Variants in PTPRD observed in about 807,000 individuals in gnomAD.
The protein encoded by PTPRD is receptor-type tyrosine-protein phosphatase delta.
Under a neutral mutation model 214.5 loss-of-function variants are expected in PTPRD, and 34 were observed. The ratio of observed to expected loss-of-function variants is 0.16; its 90% CI spans 0.12 to 0.21. The LOEUF (loss-of-function observed/expected upper bound fraction) is 0.21. PTPRD is among the 10% of genes least tolerant of loss of function. PTPRD has a pLI of 1.00. For synonymous variants in PTPRD, 1,128 were observed against 845.7 expected (o/e 1.33, Z -5.79); for missense variants, 2,545 against 2,398.7 (o/e 1.06, Z -1.27).
intron 9 of PTPRD, among the ~76,000 whole-genome samples, chr9:9,254,348 T>C (rs1160115805): frequency 6.6e-6 from 1 of 152,084 alleles, no homozygotes; most frequent in Non-Finnish European, 1.5e-5. Context: ...ATAAATTATA[T>C]GGATGTGCTC....
chr9:10,154,025 G>T (rs933272838), intron 3 of PTPRD, among the ~76,000 whole-genome samples: 1 of 151,976 alleles, frequency 6.6e-6, no homozygotes, highest in Non-Finnish European at 1.5e-5. Flanking sequence ...GGGTGGAATG[G>T]TAGTTCTGTT....
intron 11 of PTPRD, among the ~76,000 whole-genome samples, chr9:8,995,568 A>G (rs1277257032): frequency 6.6e-6 from 1 of 151,986 alleles, no homozygotes; most frequent in East Asian, 1.9e-4. Flanking sequence ...AACTCTCTCT[A>G]CACCCTCTTG....
At chr9:9,989,016 CAAAAAAAAAA>C (rs397836899) in intron 4 of PTPRD, among the ~76,000 whole-genome samples, 723 of 36,262 alleles carry the variant, frequency 0.02, 12 homozygotes, top group Middle Eastern at 0.079. Flanking sequence ...TTTCACTGAC[CAAAAAAAAAA>C]AAAAAAAAAA....
chr9:8,702,892 C>T (rs2098121729), intron 12 of PTPRD, among the ~76,000 whole-genome samples: 2 of 152,216 alleles, frequency 1.3e-5, no homozygotes, highest in African/African-American at 2.4e-5. Flanking sequence ...CAGGCGTGAG[C>T]CACTGCGCCC....
At chr9:9,087,325 T>C (rs1010167165) in intron 10 of PTPRD, among the ~76,000 whole-genome samples, 1 of 152,172 alleles carries the variant, frequency 6.6e-6, no homozygotes, top group Non-Finnish European at 1.5e-5. Flanking sequence ...ATAGAGAAGA[T>C]AAATCACAAA....
At chr9:8,743,114 A>AAAAAAAAGGG (rs1555254319) in intron 11 of PTPRD, among the ~76,000 whole-genome samples, 1 of 132,020 alleles carries the variant, frequency 7.6e-6, no homozygotes, top group African/African-American at 2.8e-5. Flanking sequence ...TAAAAAAAAA[A>AAAAAAAAGGG]GGGGGGGGGG....
intron 18 of PTPRD, among the ~76,000 whole-genome samples, chr9:8,523,892 A>G (rs1376008726): frequency 6.6e-6 from 1 of 152,154 alleles, no homozygotes; most frequent in Non-Finnish European, 1.5e-5. Flanking sequence ...GAAAGGAGAG[A>G]AAAACATCCC....
intron 2 of PTPRD, among the ~76,000 whole-genome samples, chr9:10,391,683 T>G (rs1398802408): frequency 1.3e-5 from 2 of 151,788 alleles, no homozygotes; most frequent in Admixed American, 6.6e-5. Context: ...CTGCTTCTAG[T>G]GGGTTCCCCA....
chr9:9,929,827 T>TTC (rs1222650369), intron 5 of PTPRD, among the ~76,000 whole-genome samples: 2 of 128,794 alleles, frequency 1.6e-5, no homozygotes, highest in East Asian at 8.3e-4. Flanking sequence ...CTACTTGTAC[T>TTC]ACATCATGTT....
At chr9:9,834,179 G>A (rs896301393) in intron 5 of PTPRD, among the ~76,000 whole-genome samples, 2 of 152,016 alleles carry the variant, frequency 1.3e-5, no homozygotes, top group African/African-American at 2.4e-5. Context: ...CACAATCCAC[G>A]TTCTTCTGCC....
At chr9:9,689,827 A>G (rs2097234945) in intron 7 of PTPRD, among the ~76,000 whole-genome samples, 1 of 151,856 alleles carries the variant, frequency 6.6e-6, no homozygotes, top group Non-Finnish European at 1.5e-5. Flanking sequence ...TTCATTTTTT[A>G]ATGGCTGAAT....
chr9:8,929,650 CT>C (rs1322594015), intron 11 of PTPRD, among the ~76,000 whole-genome samples: 31 of 142,998 alleles, frequency 2.2e-4, no homozygotes, highest in African/African-American at 6.9e-4. Context: ...CTGAAATTTT[CT>C]TTTTTTGTGT....
chr9:8,748,536 A>G (rs1465037579), intron 11 of PTPRD, among the ~76,000 whole-genome samples: 3 of 117,646 alleles, frequency 2.6e-5, no homozygotes, highest in East Asian at 2.4e-4. Flanking sequence ...AAAAAAAAAA[A>G]AAAAGAAAAA....
chr9:9,544,440 T>A (rs1014411007), intron 8 of PTPRD, among the ~76,000 whole-genome samples: 1 of 151,636 alleles, frequency 6.6e-6, no homozygotes, highest in African/African-American at 2.4e-5. Context: ...TTTCTTAACC[T>A]TTTTAAGGTT....
At chr9:8,693,148 G>T (rs1460033247) in intron 12 of PTPRD, among the ~76,000 whole-genome samples, 3 of 152,182 alleles carry the variant, frequency 2.0e-5, no homozygotes, top group Non-Finnish European at 4.4e-5. Flanking sequence ...CCTGAAGGTT[G>T]AAGGTAAGTT....
chr9:8,783,796 T>A (rs553770742), intron 11 of PTPRD, among the ~76,000 whole-genome samples: 1 of 152,190 alleles, frequency 6.6e-6, no homozygotes, highest in East Asian at 1.9e-4. Flanking sequence ...CTTTACAAAT[T>A]CCCAGATAGA....
intron 18 of PTPRD, 71 bp downstream of exon 18, chr9:8,524,854 C>T (rs2273998): frequency 0.1 from 129,056 of 1,240,480 alleles, 7,678 homozygotes; most frequent in East Asian, 0.24. Flanking sequence ...TATAACAACA[C>T]GGACCCTGCG....
chr9:9,960,191 AAGGAGT>A (rs1032953712), intron 4 of PTPRD, among the ~76,000 whole-genome samples: 4 of 151,146 alleles, frequency 2.6e-5, no homozygotes, highest in Non-Finnish European at 5.9e-5. Context: ...AAAATGAAAA[AAGGAGT>A]ATGAAAAAAG....
intron 9 of PTPRD, among the ~76,000 whole-genome samples, chr9:9,336,670 T>A (rs1229020967): frequency 6.6e-6 from 1 of 152,172 alleles, no homozygotes; most frequent in African/African-American, 2.4e-5. Flanking sequence ...TATGCTAATA[T>A]TTTTTAAATG....
Sources: allele counts gnomAD v4.1 joint callset (sites outside exome capture counted in the v4.1 genomes callset), GRCh38; gene constraint gnomAD v4.1.1; transcripts MANE v1.5; gene names NCBI Gene and HGNC (gene_info 2026-07-23, HGNC 2026-07-21).